The following RIC1 variants were observed in gnomAD, a reference collection of about 807,000 sequenced individuals.
RIC1 encodes RIC1 partner of RAB6A GEF complex.
Under a neutral mutation model 169.0 loss-of-function variants are expected in RIC1, and 88 were observed. That is an observed-to-expected ratio of 0.52 (90% confidence interval 0.44 to 0.62). RIC1 has a LOEUF of 0.62. Ranked by LOEUF, RIC1 falls within the 20% of genes least tolerant of loss-of-function variation. The probability of loss-of-function intolerance (pLI) is 0.00; values close to 1 mark genes in which losing one functional copy is unlikely to be tolerated. For synonymous variants in RIC1, 790 were observed against 601.5 expected (o/e 1.31, Z -4.59); for missense variants, 1,877 against 1,725.5 (o/e 1.09, Z -1.56).
rs1563710072 is a variant in RIC1 at position 5,757,294 on chromosome 9, G to GTTTCTTTTGTT, written c.1854-15_1854-5dup. 2 of 1,613,216 alleles carry GTTTCTTTTGTT rather than the reference G, an allele frequency of 1.2e-6. No homozygotes were observed. Among genetic ancestry groups the GTTTCTTTTGTT allele is most frequent in the Non-Finnish European group, 1.7e-6 (2 of 1,179,406 alleles). ...TTAGCATTGTTGTTGAGGTATGTGG[G>GTTTCTTTTGTT]TTTCTTTTGTTTTTACAGTCCAAAT... On this transcript the variant is annotated intron_variant, in intron 16 of 25. Transcript: ENST00000414202.
Position 5,629,111 on chromosome 9 carries a change from T to A in RIC1, c.-199T>A. 39 of 317,730 alleles carry A rather than the reference T, an allele frequency of 1.2e-4. No homozygotes were observed. The highest frequency in any genetic ancestry group is 3.5e-4 in the East Asian group (6 of 17,216). 19.7% of individuals were successfully genotyped at this position (317,730 alleles called of 1,614,324 possible). A position where few individuals can be genotyped will look rare whatever the true frequency, so the allele number is the denominator to read the frequency against. ...CTCCCTCCCCTTCCCTCCCCCACAC[T>A]CGGCCCCGTCAGCTTGGGGGTGCCT... is the stretch of plus-strand genomic sequence containing the variant. On this transcript the variant is annotated 5_prime_UTR_variant, in exon 1 of 26. Coordinates refer to ENST00000414202, the MANE Select transcript of RIC1 (RefSeq NM_020829.4).
chr9:5,721,483 C>T (rs1480948904), intron 6 of RIC1, among the ~76,000 whole-genome samples: 5 of 152,236 alleles, frequency 3.3e-5, no homozygotes, highest in Admixed American at 2.6e-4. Context: ...CCCCAGGGTC[C>T]TACCCGCTGA....
downstream of RIC1, among the ~76,000 whole-genome samples, chr9:5,777,492 C>T (rs1479940774): frequency 1.3e-5 from 2 of 151,726 alleles, no homozygotes; most frequent in Non-Finnish European, 2.9e-5. Flanking sequence ...ATCACACGGA[C>T]TCTGAATCAT....
intron 1 of RIC1, among the ~76,000 whole-genome samples, chr9:5,639,319 A>G (rs1430260912): frequency 2.6e-5 from 4 of 152,152 alleles, no homozygotes; most frequent in Non-Finnish European, 5.9e-5. Context: ...TTGTTTCAAT[A>G]AAGTTTTCAG....
rs1020008168 is a variant in RIC1, at chr9:5,738,545, C to G, written c.901+7C>G. ...ACAGCAAAACAGTATCCTGGTGAGT[C>G]TTTTTTTTTTTTTTTTTTTTTAACA... is the stretch of plus-strand genomic sequence containing the variant. On this transcript the variant is annotated splice_region_variant and intron_variant, in intron 8 of 25. Coordinates refer to ENST00000414202, the MANE Select transcript of RIC1 (RefSeq NM_020829.4). 6.1e-6 allele frequency: 5 copies of G among 815,008 alleles called. No individual in the cohort carries two copies. The highest frequency in any genetic ancestry group is 7.0e-6 in the Non-Finnish European group (4 of 572,694). 50.5% of individuals were successfully genotyped at this position (815,008 alleles called of 1,614,324 possible). A position where few individuals can be genotyped will look rare whatever the true frequency, so the allele number is the denominator to read the frequency against.
chr9:5,772,341 G>C (rs952925337), intron 23 of RIC1, among the ~76,000 whole-genome samples: 5 of 152,154 alleles, frequency 3.3e-5, no homozygotes, highest in African/African-American at 1.2e-4. Flanking sequence ...CTGCTTCATA[G>C]GTGGTGGTAG....
At chr9:5,706,099 C>T (rs1822569430) in intron 3 of RIC1, among the ~76,000 whole-genome samples, 1 of 152,016 alleles carries the variant, frequency 6.6e-6, no homozygotes, top group Admixed American at 6.6e-5. Context: ...GTATATTGAG[C>T]CATGGTTTCC....
intron 4 of RIC1, among the ~76,000 whole-genome samples, chr9:5,715,934 G>A (rs1157616254): frequency 1.3e-5 from 2 of 151,862 alleles, no homozygotes; most frequent in African/African-American, 4.8e-5. Flanking sequence ...TGCAGCCTCA[G>A]CCTCCTGGGC....
At chr9:5,642,741 A>G (rs1316572822) in intron 1 of RIC1, among the ~76,000 whole-genome samples, 1 of 116,478 alleles carries the variant, frequency 8.6e-6, no homozygotes, top group Non-Finnish European at 1.7e-5. Context: ...TTTATGAATC[A>G]TTAACATAAT....
chr9:5,652,753 G>T (rs1818876077), intron 1 of RIC1, among the ~76,000 whole-genome samples: 1 of 151,910 alleles, frequency 6.6e-6, no homozygotes, highest in Non-Finnish European at 1.5e-5. Flanking sequence ...TTGAATAAAA[G>T]TGGTGAAAGA....
intron 6 of RIC1, among the ~76,000 whole-genome samples, chr9:5,726,806 C>G (rs1229860311): frequency 6.6e-6 from 1 of 152,196 alleles, no homozygotes; most frequent in African/African-American, 2.4e-5. Flanking sequence ...TTCTCCTTCA[C>G]TTACGAAGCT....
chr9:5,774,407 T>C lies in RIC1; in HGVS notation c.*161T>C, dbSNP rs1827463441. On this transcript the variant is annotated 3_prime_UTR_variant, in exon 26 of 26. Transcript: ENST00000414202. ...ATTCTTTCTTGTCTAAGAAATCTTT[T>C]TGACTCCATAAAAATGTGATATAAA... The C allele has an allele frequency of 3.5e-6, 2 of 575,208 alleles. No homozygotes were observed. Among genetic ancestry groups the C allele is most frequent in the African/African-American group, 1.8e-5 (1 of 54,138 alleles). 35.6% of individuals were successfully genotyped at this position (575,208 alleles called of 1,614,324 possible).
intron 3 of RIC1, among the ~76,000 whole-genome samples, chr9:5,692,705 A>G (rs1821658304): frequency 6.6e-6 from 1 of 152,032 alleles, no homozygotes; most frequent in Non-Finnish European, 1.5e-5. Flanking sequence ...CATTGTTAAG[A>G]GGATTATGTG....
Position 5,681,421 on chromosome 9 carries a change from A to G in RIC1, c.253-8538A>G, listed in dbSNP as rs551915054. ...ATTTCTGCCTTCATTTCGCAGGAGC[A>G]GGTTGTTCAGTGTCCATGTAGTTGA... On this transcript the variant is annotated intron_variant, in intron 2 of 25. Coordinates refer to ENST00000414202, the MANE Select transcript of RIC1 (RefSeq NM_020829.4). 2.0e-5 allele frequency among the ~76,000 whole-genome samples: 3 copies of G among 151,806 alleles called. No homozygotes were observed. The East Asian group carries it at 5.8e-4, about 29-fold the overall frequency.
At chr9:5,677,457 C>T (rs62557379) in intron 2 of RIC1, among the ~76,000 whole-genome samples, 3,420 of 152,270 alleles carry the variant, frequency 0.022, 47 homozygotes, top group Non-Finnish European at 0.032. Flanking sequence ...ATCCCTTCTA[C>T]ACAGCATATC....
intron 2 of RIC1, 72 bp from the exon 3 acceptor site, chr9:5,689,887 A>G (rs1309933279): frequency 2.6e-5 from 27 of 1,056,478 alleles, no homozygotes; most frequent in Admixed American, 5.1e-5. Flanking sequence ...GTAAGAATTT[A>G]TAAAATTAAA....
intron 3 of RIC1, among the ~76,000 whole-genome samples, chr9:5,695,570 T>C (rs1401329886): frequency 7.0e-6 from 1 of 143,750 alleles, no homozygotes; most frequent in Non-Finnish European, 1.5e-5. Flanking sequence ...TATTATTATA[T>C]CTTTTTTTTT....
At chr9:5,676,997 A>C (rs1490570814) in intron 2 of RIC1, among the ~76,000 whole-genome samples, 1 of 152,216 alleles carries the variant, frequency 6.6e-6, no homozygotes, top group East Asian at 1.9e-4. Context: ...TTGATGTACA[A>C]GTCTTTGTAT....
At chr9:5,720,871 C>A in intron 6 of RIC1, 121 bp downstream of exon 6, 1 of 859,544 alleles carries the variant, frequency 1.2e-6, no homozygotes, top group South Asian at 1.9e-5. Context: ...ATTTTTTAAT[C>A]AAACCAAACA....
Sources: allele counts gnomAD v4.1 joint callset (sites outside exome capture counted in the v4.1 genomes callset), GRCh38; gene constraint gnomAD v4.1.1; transcripts MANE v1.5; gene names NCBI Gene and HGNC (gene_info 2026-07-23, HGNC 2026-07-21).